CPED1: variants seen among roughly 807,000 people sequenced by gnomAD.
The protein encoded by CPED1 is cadherin like and PC-esterase domain containing 1.
CPED1 carries 114 observed loss-of-function variants against 128.2 expected under a neutral mutation model. The ratio of observed to expected loss-of-function variants is 0.89; its 90% CI spans 0.76 to 1.04. CPED1 has a LOEUF of 1.04. CPED1 is among the 50% of genes least tolerant of loss of function. CPED1 has a pLI of 0.00. For synonymous variants in CPED1, 462 were observed against 426.7 expected (o/e 1.08, Z -1.02); for missense variants, 1,211 against 1,207.1 (o/e 1.00, Z -0.05).
intron 16 of CPED1, among the ~76,000 whole-genome samples, chr7:121,207,155 T>TA (rs1340737095): frequency 6.6e-6 from 1 of 152,012 alleles, no homozygotes; most frequent in Non-Finnish European, 1.5e-5. Flanking sequence ...TCAGTTGACA[T>TA]ACATTCAGAT....
intron 4 of CPED1, among the ~76,000 whole-genome samples, chr7:121,060,098 G>A (rs980203938): frequency 2.0e-5 from 3 of 152,220 alleles, no homozygotes; most frequent in Admixed American, 6.5e-5. Context: ...CGGGCAATGA[G>A]GGGCTTAGCA....
intron 4 of CPED1, among the ~76,000 whole-genome samples, chr7:121,053,776 C>A (rs542057886): frequency 6.6e-6 from 1 of 151,988 alleles, no homozygotes; most frequent in African/African-American, 2.4e-5. Flanking sequence ...GTTTTTCTCC[C>A]GAATTTATTT....
intron 12 of CPED1, among the ~76,000 whole-genome samples, chr7:121,131,548 GAA>G (rs1795665594): frequency 1.3e-5 from 2 of 150,578 alleles, no homozygotes; most frequent in Non-Finnish European, 1.5e-5. Context: ...TCAAACTTTG[GAA>G]AGTTTGTTCC....
At chr7:121,104,601 T>G (rs1794926417) in intron 7 of CPED1, among the ~76,000 whole-genome samples, 1 of 152,170 alleles carries the variant, frequency 6.6e-6, no homozygotes, top group Admixed American at 6.6e-5. Flanking sequence ...GTCCAAAGCC[T>G]TATTTTGTCC....
chr7:121,026,102 C>T (rs1792574299), intron 3 of CPED1, among the ~76,000 whole-genome samples: 1 of 152,182 alleles, frequency 6.6e-6, no homozygotes, highest in Admixed American at 6.6e-5. Flanking sequence ...TCTGAGCGAT[C>T]ATTTCTTTCT....
At chr7:120,990,571 C>A (rs55875815) in intron 2 of CPED1, among the ~76,000 whole-genome samples, 2,209 of 151,806 alleles carry the variant, frequency 0.015, 53 homozygotes, top group African/African-American at 0.051. Flanking sequence ...TTTTAATATA[C>A]CACTCTCCTC....
intron 5 of CPED1, among the ~76,000 whole-genome samples, chr7:121,067,781 T>C (rs1024118080): frequency 6.6e-6 from 1 of 152,170 alleles, no homozygotes; most frequent in African/African-American, 2.4e-5. Flanking sequence ...ACCTGTTGTT[T>C]CCTGACTTTT....
chr7:121,170,132 G>A (rs1796619995), intron 16 of CPED1, among the ~76,000 whole-genome samples: 1 of 152,186 alleles, frequency 6.6e-6, no homozygotes, highest in South Asian at 2.1e-4. Context: ...GTGAGTGTTT[G>A]TGGAGTATGT....
At chr7:121,084,982 A>G (rs767435296) in intron 5 of CPED1, among the ~76,000 whole-genome samples, 1 of 152,242 alleles carries the variant, frequency 6.6e-6, no homozygotes, top group Non-Finnish European at 1.5e-5. Context: ...AGCATTGCTC[A>G]TCGTAGTGAC....
intron 4 of CPED1, among the ~76,000 whole-genome samples, chr7:121,056,469 A>T (rs1203693148): frequency 6.6e-6 from 1 of 152,208 alleles, no homozygotes; most frequent in Non-Finnish European, 1.5e-5. Flanking sequence ...GTTGTGAATC[A>T]CTGCTTTAGC....
At chr7:121,276,261 A>G (rs1041327481) in intron 22 of CPED1, among the ~76,000 whole-genome samples, 3 of 152,048 alleles carry the variant, frequency 2.0e-5, no homozygotes, top group African/African-American at 7.2e-5. Flanking sequence ...TCACACTACC[A>G]TTTATAAACT....
intron 16 of CPED1, among the ~76,000 whole-genome samples, chr7:121,157,062 T>C (rs977094243): frequency 6.6e-6 from 1 of 152,218 alleles, no homozygotes; most frequent in African/African-American, 2.4e-5. Context: ...TTAGCAATTA[T>C]GTTTCTGGAG....
At position 121,266,695 on chromosome 7, in the gene CPED1, T is replaced by C. The variant is rs1270263392; in HGVS notation, c.2532-12T>C. On this transcript the variant is annotated splice_polypyrimidine_tract_variant and intron_variant, in intron 19 of 22. Transcript: ENST00000310396. ...TAGGGCAACATGTGTTGTTTTTCTT[T>C]CTGAATTTCAGATCACGTCCCCTAG... 1 of 1,604,750 alleles carries C rather than the reference T, an allele frequency of 6.2e-7. No homozygotes were observed. Among genetic ancestry groups the C allele is most frequent in the Admixed American group, 1.7e-5 (1 of 59,808 alleles).
At chr7:121,087,622 CAA>C (rs1794458161) in intron 5 of CPED1, among the ~76,000 whole-genome samples, 1 of 150,562 alleles carries the variant, frequency 6.6e-6, no homozygotes, top group Non-Finnish European at 1.5e-5. Context: ...CAAAATATGA[CAA>C]AGAGTTCAAG....
chr7:121,013,769 G>A (rs527707119), intron 2 of CPED1, among the ~76,000 whole-genome samples: 76 of 152,260 alleles, frequency 5.0e-4, no homozygotes, highest in Non-Finnish European at 8.7e-4. Context: ...TAGTTTGTGT[G>A]CAATAAAAAA....
At chr7:121,043,350 G>A (rs1199924587) in intron 3 of CPED1, among the ~76,000 whole-genome samples, 11 of 152,068 alleles carry the variant, frequency 7.2e-5, no homozygotes, top group Admixed American at 7.2e-4. Context: ...CACCTTTAAT[G>A]TAACCAACAA....
At chr7:121,010,671 G>A (rs1196338373) in intron 2 of CPED1, among the ~76,000 whole-genome samples, 1 of 152,196 alleles carries the variant, frequency 6.6e-6, no homozygotes, top group Non-Finnish European at 1.5e-5. Context: ...CCAAAGTACG[G>A]TTTGGGAGTA....
chr7:121,077,283 T>C (rs1794153586), intron 5 of CPED1, among the ~76,000 whole-genome samples: 1 of 152,166 alleles, frequency 6.6e-6, no homozygotes, highest in Non-Finnish European at 1.5e-5. Context: ...TAGCCATCCA[T>C]GAGAAGGAAG....
In CPED1 at chr7:121,089,655, T is replaced by C. The variant is rs1244139398; in HGVS notation, c.617-8044T>C. Among the ~76,000 whole-genome samples, 18 of 152,150 alleles carry C rather than the reference T, an allele frequency of 1.2e-4. 1 individual carries two copies. The highest frequency in any genetic ancestry group is 1.2e-3 in the Admixed American group (18 of 15,272). On this transcript the variant is annotated intron_variant, in intron 5 of 22. Coordinates refer to ENST00000310396, the MANE Select transcript of CPED1 (RefSeq NM_024913.5). ...GATATCTGATAGTTACTGCAGAAAA[T>C]ATTCCTGAGAAAAAAGTTTACTATT...
Sources: gnomAD v4.1 joint callset for allele counts (sites outside exome capture counted in the v4.1 genomes callset) on GRCh38, gnomAD v4.1.1 for gene constraint, MANE v1.5 for transcripts, NCBI Gene and HGNC (gene_info 2026-07-23, HGNC 2026-07-21) for gene names.